Variants in POU2F1 observed in about 807,000 individuals in gnomAD.
The protein encoded by POU2F1 is POU domain, class 2, transcription factor 1.
A neutral mutation model predicts 84.9 loss-of-function variants in POU2F1; 16 were observed. That is an observed-to-expected ratio of 0.19 (90% CI 0.13 to 0.29). The LOEUF is 0.29. Ranked by LOEUF, POU2F1 falls within the 10% of genes least tolerant of loss-of-function variation. POU2F1 has a pLI of 1.00. For missense variants in POU2F1, 738 were observed against 942.6 expected (o/e 0.78, Z 2.84); for synonymous variants, 368 against 368.3 (o/e 1.00, Z 0.01).
At chr1:167,385,377 C>T (rs1348792009) in intron 8 of POU2F1, among the ~76,000 whole-genome samples, 2 of 151,906 alleles carry the variant, frequency 1.3e-5, no homozygotes, top group Admixed American at 6.6e-5. Flanking sequence ...AATAACCAAA[C>T]GATTTTGAGA....
chr1:167,355,471 G>A (rs147168023), intron 2 of POU2F1, among the ~76,000 whole-genome samples: 6 of 151,928 alleles, frequency 3.9e-5, no homozygotes, highest in Non-Finnish European at 7.4e-5. Context: ...GAACATCTTG[G>A]CCCCATGCCA....
At position 167,419,841 on chromosome 1, in the gene POU2F1, G is replaced by A. The variant is rs1009088288; in HGVS notation, c.*4031G>A. ...AGAATCATACCTACTTATACTTAAT[G>A]CTAGCACTGTAAGAAATAAGTCTTT... On this transcript the variant is annotated 3_prime_UTR_variant, in exon 16 of 16. Coordinates refer to ENST00000367866, the MANE Select transcript of POU2F1 (RefSeq NM_002697.4). 22 of 152,252 alleles carry A rather than the reference G, an allele frequency of 1.4e-4. No individual in the cohort carries two copies. The highest frequency in any genetic ancestry group is 4.3e-4 in the African/African-American group (18 of 41,552). 9.4% of individuals were successfully genotyped at this position (152,252 alleles called of 1,614,324 possible). A position where few individuals can be genotyped will look rare whatever the true frequency, so the allele number is the denominator to read the frequency against.
intron 1 of POU2F1, among the ~76,000 whole-genome samples, chr1:167,305,504 G>A (rs1655002661): frequency 6.6e-6 from 1 of 152,164 alleles, no homozygotes; most frequent in Non-Finnish European, 1.5e-5. Flanking sequence ...CCAGCTGAAT[G>A]TGATATTTAA....
intron 1 of POU2F1, among the ~76,000 whole-genome samples, chr1:167,291,216 A>G (rs1368175421): frequency 6.6e-6 from 1 of 152,230 alleles, no homozygotes; most frequent in African/African-American, 2.4e-5. Flanking sequence ...AACCTTGCAC[A>G]TCATTTTCTT....
chr1:167,392,985 A>G (rs1648534385), intron 9 of POU2F1, among the ~76,000 whole-genome samples: 1 of 152,226 alleles, frequency 6.6e-6, no homozygotes, highest in African/African-American at 2.4e-5. Flanking sequence ...GATGTTTTAA[A>G]GTTATTTTCT....
chr1:167,236,435 C>G (rs1200063326), intron 1 of POU2F1, among the ~76,000 whole-genome samples: 1 of 152,114 alleles, frequency 6.6e-6, no homozygotes, highest in Non-Finnish European at 1.5e-5. Flanking sequence ...TAAATTAAAT[C>G]TTACTAAATT....
rs1659860962 is a variant in POU2F1, at chr1:167,369,196, G to A, written c.229-965G>A. Among the ~76,000 whole-genome samples, 6 of 152,056 alleles carry A rather than the reference G, an allele frequency of 3.9e-5. No individual in the cohort carries two copies. The South Asian group carries it at 1.2e-3, about 32-fold the overall frequency. On this transcript the variant is annotated intron_variant, in intron 3 of 15. Transcript: ENST00000367866. The stretch of plus-strand genomic sequence containing the variant: ...AGTGTTTCTCAGTTTGGGTTTGTCT[G>A]ATTTTCATCATGATTAGATTCAGAT...
intron 1 of POU2F1, among the ~76,000 whole-genome samples, chr1:167,250,665 G>C (rs928680152): frequency 5.9e-5 from 9 of 152,142 alleles, no homozygotes; most frequent in Non-Finnish European, 1.0e-4. Flanking sequence ...GGACCCTGGA[G>C]GCATTTTCTT....
chr1:167,281,061 C>T (rs1049772672), intron 1 of POU2F1, among the ~76,000 whole-genome samples: 3 of 152,120 alleles, frequency 2.0e-5, no homozygotes, highest in African/African-American at 7.2e-5. Flanking sequence ...AGATTACATC[C>T]CCATAGGAAG....
At chr1:167,283,754 A>G (rs1405164441) in intron 1 of POU2F1, among the ~76,000 whole-genome samples, 3 of 152,042 alleles carry the variant, frequency 2.0e-5, no homozygotes, top group Admixed American at 6.5e-5. Context: ...AGAATTTGCT[A>G]TTTTCTATAG....
intron 2 of POU2F1, among the ~76,000 whole-genome samples, chr1:167,354,293 A>C (rs1440920785): frequency 1.3e-5 from 2 of 151,398 alleles, no homozygotes; most frequent in Non-Finnish European, 2.9e-5. Flanking sequence ...CTTTATTTTT[A>C]TTTATTTATT....
At position 167,237,764 on chromosome 1, in the gene POU2F1, ATATATATATTTTTTTT is replaced by A. The variant is rs1311440697; in HGVS notation, c.61+16808_61+16823del. On this transcript the variant is annotated intron_variant, in intron 1 of 15. Transcript: ENST00000367866. ...TGTGTGTGTATATATATATATATAT[ATATATATATTTTTTTT>A]TTTTTTTTTTTTTTTTTTTGGCAGA... Among the ~76,000 whole-genome samples, 4 of 16,306 alleles carry A rather than the reference ATATATATATTTTTTTT, an allele frequency of 2.5e-4. No homozygotes were observed. The Admixed American group carries it at 4.4e-3, about 18-fold the overall frequency. 10.7% of individuals were successfully genotyped at this position (16,306 alleles called of 152,430 possible). A position where few individuals can be genotyped will look rare whatever the true frequency, so the allele number is the denominator to read the frequency against.
intron 1 of POU2F1, among the ~76,000 whole-genome samples, chr1:167,311,117 A>G (rs10733051): frequency 0.4 from 60,756 of 152,110 alleles, 14,877 homozygotes; most frequent in East Asian, 0.71. Context: ...ATATACCTAT[A>G]TAGATTTAAG....
chr1:167,301,883 A>G (rs1329301700), intron 1 of POU2F1, among the ~76,000 whole-genome samples: 1 of 151,810 alleles, frequency 6.6e-6, no homozygotes, highest in African/African-American at 2.4e-5. Flanking sequence ...CTCTTAAAGT[A>G]TGGACAGATC....
At position 167,332,467 on chromosome 1, in the gene POU2F1, C is replaced by A; in HGVS notation, c.62-3C>A. 1 of 1,606,906 alleles carries A rather than the reference C, an allele frequency of 6.2e-7. No individual in the cohort carries two copies. On this transcript the variant is annotated splice_region_variant and splice_polypyrimidine_tract_variant and intron_variant, in intron 1 of 15. Transcript: ENST00000367866. ...AACCTTATTCTCCTCTGATTTATTG[C>A]AGACTCAAGAATGAACAATCCGTCA...
At chr1:167,315,026 C>T (rs1655786357) in intron 1 of POU2F1, among the ~76,000 whole-genome samples, 1 of 152,154 alleles carries the variant, frequency 6.6e-6, no homozygotes, top group Admixed American at 6.5e-5. Context: ...CCTGCTTTTG[C>T]CATATGGCAT....
rs1053742019 is a variant in POU2F1, at chr1:167,421,350, T to G, written c.*5540T>G. On this transcript the variant is annotated 3_prime_UTR_variant, in exon 16 of 16. Transcript: ENST00000367866. ...TAAAGGCCAATCATCCATTTCTTAG[T>G]CCAAGGAGATTAAATATAAATAGGA... 1 of 152,196 alleles carries G rather than the reference T, an allele frequency of 6.6e-6. No homozygotes were observed. Among genetic ancestry groups the G allele is most frequent in the Non-Finnish European group, 1.5e-5 (1 of 68,030 alleles). 9.4% of individuals were successfully genotyped at this position (152,196 alleles called of 1,614,324 possible). A position where few individuals can be genotyped will look rare whatever the true frequency, so the allele number is the denominator to read the frequency against.
At chr1:167,375,912 G>A (rs1316342011) in intron 6 of POU2F1, 117 bp from the exon 7 acceptor site, 1 of 1,259,686 alleles carries the variant, frequency 7.9e-7, no homozygotes, top group Non-Finnish European at 1.1e-6. Context: ...ATGAAAGCAT[G>A]CGAAGTATTT....
At chr1:167,315,309 T>G (rs1655806099) in intron 1 of POU2F1, among the ~76,000 whole-genome samples, 1 of 152,222 alleles carries the variant, frequency 6.6e-6, no homozygotes, top group African/African-American at 2.4e-5. Context: ...CAGATGTGCT[T>G]TACATATTAT....
Sources: gnomAD v4.1 joint callset for allele counts (sites outside exome capture counted in the v4.1 genomes callset) on GRCh38, gnomAD v4.1.1 for gene constraint, MANE v1.5 for transcripts, NCBI Gene and HGNC (gene_info 2026-07-23, HGNC 2026-07-21) for gene names.